Variants in MGA observed in about 807,000 individuals in gnomAD.
The protein encoded by MGA is MAX gene-associated protein.
A neutral mutation model predicts 261.1 loss-of-function variants in MGA; 40 were observed. That is an observed-to-expected ratio of 0.15 (90% confidence interval 0.12 to 0.20). MGA has a LOEUF of 0.20. Ranked by LOEUF, MGA falls within the 10% of genes least tolerant of loss-of-function variation. The probability of loss-of-function intolerance (pLI) is 1.00; values close to 1 mark genes in which losing one functional copy is unlikely to be tolerated. For missense variants in MGA, 3,397 were observed against 3,630.5 expected, an observed-to-expected ratio of 0.94 and a Z score of 1.65; for synonymous variants, 1,302 against 1,290.6, an observed-to-expected ratio of 1.01 and a Z score of -0.19.
At position 41,767,120 on chromosome 15, in the gene MGA, G is replaced by T; in HGVS notation, c.9038G>T (p.Cys3013Phe). 6.2e-7 allele frequency: 1 copy of T among 1,613,960 alleles called. No individual in the cohort carries two copies. Among genetic ancestry groups the T allele is most frequent in the South Asian group, 1.1e-5 (1 of 91,080 alleles). The change falls in exon 24 of 24, where the codon TGT becomes TTT. Residue 3013 changes from cysteine to phenylalanine, a missense_variant. Physicochemically the swap from Cys to Phe is radical, Grantham distance 205. Coordinates refer to ENST00000219905, the MANE Select transcript of MGA (RefSeq NM_001164273.2). The stretch of plus-strand genomic sequence containing the variant: ...GGTCAGAGTCTCAAGGTGATGCCTT[G>T]TTTGGCACCTATAGCTGCCAAAGTT...
intron 1 of MGA, among the ~76,000 whole-genome samples, chr15:41,621,987 C>T (rs2056304868): frequency 8.0e-6 from 1 of 125,324 alleles, no homozygotes; most frequent in Non-Finnish European, 1.6e-5. Flanking sequence ...GCTGGGGCCG[C>T]GTGAAGGTCA....
intron 9 of MGA, among the ~76,000 whole-genome samples, chr15:41,722,783 T>G (rs765988897): frequency 2.5e-4 from 38 of 152,158 alleles, no homozygotes; most frequent in Non-Finnish European, 4.3e-4. Context: ...GTGTAATGCT[T>G]TTCATTTATG....
intron 11 of MGA, among the ~76,000 whole-genome samples, chr15:41,731,767 A>G (rs573625800): frequency 6.6e-6 from 1 of 152,368 alleles, no homozygotes; most frequent in Admixed American, 6.5e-5. Flanking sequence ...AAACTTGGTT[A>G]ATAAGATCAT....
Position 41,762,365 on chromosome 15 carries a change from A to AG in MGA, c.7744+5dup, listed in dbSNP as rs2063507235. On this transcript the variant is annotated splice_donor_region_variant and intron_variant, in intron 22 of 23. Transcript: ENST00000219905. ...CAGAAAAAAAGACCAGGCCACAGGT[A>AG]GGAGGGACATTCTTCGCTTTCCTTA... 2 of 1,597,678 alleles carry AG rather than the reference A, an allele frequency of 1.3e-6. No individual in the cohort carries two copies. Among genetic ancestry groups the AG allele is most frequent in the Admixed American group, 3.4e-5 (2 of 59,208 alleles).
intron 2 of MGA, among the ~76,000 whole-genome samples, chr15:41,683,985 A>G (rs144879367): frequency 6.6e-6 from 1 of 152,144 alleles, no homozygotes; most frequent in East Asian, 1.9e-4. Flanking sequence ...GGTTAGTTAC[A>G]TACGGCATGC....
chr15:41,634,671 T>A (rs987554420), intron 1 of MGA, among the ~76,000 whole-genome samples: 4 of 152,104 alleles, frequency 2.6e-5, no homozygotes, highest in Non-Finnish European at 5.9e-5. Flanking sequence ...GGTATGAAGA[T>A]TGTTTGGTGA....
chr15:41,647,667 C>T (rs979920149), intron 1 of MGA, among the ~76,000 whole-genome samples: 1 of 152,132 alleles, frequency 6.6e-6, no homozygotes, highest in Middle Eastern at 3.2e-3. Flanking sequence ...CCATAACCCT[C>T]TGAAATATTT....
chr15:41,678,352 A>G (rs2151062602), intron 2 of MGA, among the ~76,000 whole-genome samples: 1 of 151,684 alleles, frequency 6.6e-6, no homozygotes, highest in African/African-American at 2.4e-5. Flanking sequence ...CAGCCTCCCA[A>G]AGTGTTGGGA....
chr15:41,664,858 T>G (rs2057639687), intron 1 of MGA, among the ~76,000 whole-genome samples: 1 of 152,210 alleles, frequency 6.6e-6, no homozygotes, highest in South Asian at 2.1e-4. Context: ...TGTGTTAGTT[T>G]TAGAAAACCA....
At chr15:41,656,377 T>TCTCTCTCTCTCTCTCTCTCCCA (rs1555403733), upstream of MGA, among the ~76,000 whole-genome samples, 1 of 68,276 alleles carries the variant, frequency 1.5e-5, no homozygotes, top group African/African-American at 3.8e-5. Flanking sequence ...TCTCTCTCTC[T>TCTCTCTCTCTCTCTCTCTCCCA]CACACCCAGG....
At chr15:41,756,472 T>G (rs1307633441) in intron 18 of MGA, among the ~76,000 whole-genome samples, 1 of 152,238 alleles carries the variant, frequency 6.6e-6, no homozygotes, top group South Asian at 2.1e-4. Flanking sequence ...GGAGTGTACA[T>G]TGTTATTACC....
At chr15:41,625,951 G>A (rs1297298317) in intron 1 of MGA, among the ~76,000 whole-genome samples, 1 of 152,052 alleles carries the variant, frequency 6.6e-6, no homozygotes, top group Non-Finnish European at 1.5e-5. Context: ...GTCAACTGTG[G>A]TCTGAAAATA....
intron 2 of MGA, among the ~76,000 whole-genome samples, chr15:41,688,874 C>T (rs896237000): frequency 1.1e-4 from 17 of 152,150 alleles, no homozygotes; most frequent in African/African-American, 4.1e-4. Flanking sequence ...GGTTTGGTTT[C>T]TCATGTCTCA....
chr15:41,639,341 A>G (rs2056775843), intron 1 of MGA, among the ~76,000 whole-genome samples: 1 of 151,774 alleles, frequency 6.6e-6, no homozygotes, highest in South Asian at 2.1e-4. Flanking sequence ...CATTCAGTTG[A>G]GAGGGAATAA....
chr15:41,760,261 A>C, intron 19 of MGA, 62 bp from the exon 20 acceptor site: 1 of 1,526,306 alleles, frequency 6.6e-7, no homozygotes. Context: ...GTGTCATTTG[A>C]AACAGAGTAA....
chr15:41,653,380 C>A (rs868800593), intron 1 of MGA, among the ~76,000 whole-genome samples: 12 of 146,178 alleles, frequency 8.2e-5, no homozygotes, highest in East Asian at 2.0e-4. Context: ...GAAAAAAAAA[C>A]AACAAAAAAC....
Position 41,767,350 on chromosome 15 carries a change from T to A in MGA, c.*70T>A. On this transcript the variant is annotated 3_prime_UTR_variant, in exon 24 of 24. Transcript: ENST00000219905. ...ATCTCACCTCCTTTCTCTGCAGGCA[T>A]CTGTTTGTTTGTGTCTTAGAACTTG... is the stretch of plus-strand genomic sequence containing the variant. 6.8e-7 allele frequency: 1 copy of A among 1,480,864 alleles called. No individual in the cohort carries two copies. Among genetic ancestry groups the A allele is most frequent in the South Asian group, 1.3e-5 (1 of 77,570 alleles). 91.7% of individuals were successfully genotyped at this position (1,480,864 alleles called of 1,614,324 possible).
intron 10 of MGA, among the ~76,000 whole-genome samples, chr15:41,727,948 A>C (rs998291057): frequency 8.5e-5 from 13 of 152,208 alleles, no homozygotes; most frequent in African/African-American, 2.2e-4. Flanking sequence ...CATTAGATTG[A>C]AGAAAAATCC....
At chr15:41,660,728 C>T (rs968566316) in intron 1 of MGA, among the ~76,000 whole-genome samples, 1 of 152,312 alleles carries the variant, frequency 6.6e-6, no homozygotes, top group Middle Eastern at 3.4e-3. Flanking sequence ...CATGTCACCT[C>T]GCGCGCGTCC....
Sources: allele counts gnomAD v4.1 joint callset (sites outside exome capture counted in the v4.1 genomes callset), GRCh38; gene constraint gnomAD v4.1.1; transcripts MANE v1.5; gene names NCBI Gene and HGNC (gene_info 2026-07-23, HGNC 2026-07-21).